The following KCNK9 variants were observed in gnomAD, a reference collection of about 807,000 sequenced individuals.
KCNK9 encodes potassium two pore domain channel subfamily K member 9, also known as potassium channel subfamily K member 9.
KCNK9 carries 1 observed loss-of-function variant against 10.8 expected under a neutral mutation model. The observed-to-expected ratio is 0.09, with a 90% CI of 0.03 to 0.44. KCNK9 has a LOEUF of 0.44. Ranked by LOEUF, KCNK9 falls within the 20% of genes least tolerant of loss-of-function variation. The pLI, the probability that KCNK9 is intolerant of heterozygous loss-of-function variation, is 0.97. For synonymous variants in KCNK9, 231 were observed against 222.7 expected, an observed-to-expected ratio of 1.04 and a Z score of -0.33; for missense variants, 303 against 515.0, an observed-to-expected ratio of 0.59 and a Z score of 3.98.
chr8:139,640,577 TC>T (rs1324303203), intron 1 of KCNK9, among the ~76,000 whole-genome samples: 4 of 152,202 alleles, frequency 2.6e-5, no homozygotes, highest in Admixed American at 2.6e-4. Context: ...CTTTGATGTG[TC>T]CCAGTCACAT....
At chr8:139,683,493 G>C (rs1001934430) in intron 1 of KCNK9, among the ~76,000 whole-genome samples, 1 of 152,346 alleles carries the variant, frequency 6.6e-6, no homozygotes, top group South Asian at 2.1e-4. Context: ...TTCAGCAGCA[G>C]GTCTGAGAGT....
chr8:139,701,437 C>CT (rs112025255), intron 1 of KCNK9, among the ~76,000 whole-genome samples: 4,476 of 151,382 alleles, frequency 0.03, 217 homozygotes, highest in African/African-American at 0.1. Context: ...CTGAGAAATC[C>CT]TTTTTTTTTC....
chr8:139,680,724 C>A (rs959263351), intron 1 of KCNK9, among the ~76,000 whole-genome samples: 2 of 152,128 alleles, frequency 1.3e-5, no homozygotes, highest in African/African-American at 4.8e-5. Flanking sequence ...GGAGAGGAAA[C>A]GGGGCCCAGA....
intron 1 of KCNK9, among the ~76,000 whole-genome samples, chr8:139,688,968 T>C (rs757504690): frequency 2.0e-5 from 3 of 152,104 alleles, no homozygotes; most frequent in Admixed American, 6.5e-5. Flanking sequence ...CCTCTGGATG[T>C]AACTGTTTTT....
intron 1 of KCNK9, among the ~76,000 whole-genome samples, chr8:139,663,640 C>T (rs1349432161): frequency 1.9e-5 from 2 of 102,716 alleles, no homozygotes; most frequent in African/African-American, 4.6e-5. Flanking sequence ...AACAGACGCG[C>T]GTGCGCACGT....
chr8:139,658,580 G>A (rs947759921), intron 1 of KCNK9, among the ~76,000 whole-genome samples: 4 of 152,152 alleles, frequency 2.6e-5, no homozygotes, highest in Non-Finnish European at 5.9e-5. Flanking sequence ...AAGATACCAC[G>A]GAGGGGAGAG....
intron 1 of KCNK9, among the ~76,000 whole-genome samples, chr8:139,653,482 G>A (rs1357879733): frequency 2.0e-5 from 3 of 151,892 alleles, no homozygotes; most frequent in Non-Finnish European, 2.9e-5. Context: ...TCTGCACTCA[G>A]GACTCCCCCA....
chr8:139,692,041 G>A (rs1021881951), intron 1 of KCNK9, among the ~76,000 whole-genome samples: 6 of 152,188 alleles, frequency 3.9e-5, no homozygotes, highest in African/African-American at 1.4e-4. Context: ...CTGCTGGGAG[G>A]GATGCTGGAG....
intron 1 of KCNK9, among the ~76,000 whole-genome samples, chr8:139,682,962 A>G (rs755883016): frequency 6.6e-6 from 1 of 152,188 alleles, no homozygotes; most frequent in Non-Finnish European, 1.5e-5. Flanking sequence ...GAAAAAAACC[A>G]GAGCATTTCC....
intron 1 of KCNK9, among the ~76,000 whole-genome samples, chr8:139,700,681 C>A (rs1213940088): frequency 6.6e-6 from 1 of 152,138 alleles, no homozygotes; most frequent in Non-Finnish European, 1.5e-5. Context: ...GTCCCACAGC[C>A]CCTGAGGCGA....
At chr8:139,603,818 TG>T (rs1472375883) in intron 2 of KCNK9, among the ~76,000 whole-genome samples, 9 of 152,216 alleles carry the variant, frequency 5.9e-5, no homozygotes, top group Admixed American at 5.2e-4. Context: ...AGCACTAACC[TG>T]GTTCACTGAG....
At chr8:139,631,507 G>A (rs909066148) in intron 1 of KCNK9, among the ~76,000 whole-genome samples, 3 of 152,192 alleles carry the variant, frequency 2.0e-5, no homozygotes, top group African/African-American at 7.2e-5. Context: ...CTGGCTGCAG[G>A]CTGGGCGCCC....
At chr8:139,625,834 C>A (rs1814955222) in intron 1 of KCNK9, among the ~76,000 whole-genome samples, 1 of 152,108 alleles carries the variant, frequency 6.6e-6, no homozygotes. Flanking sequence ...CCCCGAAAAA[C>A]CAGCTGTGGC....
At position 139,617,514 on chromosome 8, in the gene KCNK9, G is replaced by A. The variant is rs182649938; in HGVS notation, c.*744C>T. On this transcript the variant is annotated 3_prime_UTR_variant, in exon 2 of 2. Transcript: ENST00000520439. Reference sequence around the variant, plus strand: ...CTGGCAAGCTAAGATGGTTTGGGTCGTCTTGCCCACCCGCCCCTAAAAAAC... The same window carrying A: ...CTGGCAAGCTAAGATGGTTTGGGTCATCTTGCCCACCCGCCCCTAAAAAAC... Among the ~76,000 whole-genome samples the A allele has an allele frequency of 4.6e-5, 7 of 152,176 alleles. No homozygotes were observed. Among genetic ancestry groups the A allele is most frequent in the South Asian group, 2.1e-4 (1 of 4,814 alleles).
chr8:139,683,434 C>T (rs1192113828), intron 1 of KCNK9, among the ~76,000 whole-genome samples: 1 of 152,224 alleles, frequency 6.6e-6, no homozygotes, highest in Non-Finnish European at 1.5e-5. Context: ...TTATAGGGGA[C>T]TCTTGGGACA....
At chr8:139,626,496 C>G (rs1814981549) in intron 1 of KCNK9, among the ~76,000 whole-genome samples, 1 of 152,188 alleles carries the variant, frequency 6.6e-6, no homozygotes, top group East Asian at 1.9e-4. Flanking sequence ...GGTGTCAGGC[C>G]AGTCCAGGTT....
Position 139,702,406 on chromosome 8 carries a change from C to A in KCNK9, c.283+304G>T, listed in dbSNP as rs1188388794. 1.3e-5 allele frequency among the ~76,000 whole-genome samples: 2 copies of A among 152,154 alleles called. No homozygotes were observed. The highest frequency in any genetic ancestry group is 2.1e-4 in the South Asian group (1 of 4,822). Reference sequence around the variant, plus strand: ...GTGTCTGCTATGGGATTATTCTTAGCGCTCCACTCTCTTCGCAAAAGTGGC... The same window carrying A: ...GTGTCTGCTATGGGATTATTCTTAGAGCTCCACTCTCTTCGCAAAAGTGGC... On this transcript the variant is annotated intron_variant, in intron 1 of 1. Coordinates refer to ENST00000520439, the MANE Select transcript of KCNK9 (RefSeq NM_001282534.2). The surrounding 1 kb of genome is among the most constrained non-coding windows in gnomAD (Gnocchi z 7.5).
At chr8:139,639,195 C>T (rs1815423863) in intron 1 of KCNK9, among the ~76,000 whole-genome samples, 1 of 152,208 alleles carries the variant, frequency 6.6e-6, no homozygotes, top group African/African-American at 2.4e-5. Flanking sequence ...ATCCATAAAG[C>T]ATCAGCTGTT....
At chr8:139,698,910 C>G (rs2129816657) in intron 1 of KCNK9, among the ~76,000 whole-genome samples, 1 of 152,296 alleles carries the variant, frequency 6.6e-6, no homozygotes, top group African/African-American at 2.4e-5. Context: ...CTCCAGGGAC[C>G]CCAAAGCTGT....
Sources: gnomAD v4.1 joint callset for allele counts (sites outside exome capture counted in the v4.1 genomes callset) on GRCh38, gnomAD v4.1.1 for gene constraint, Gnocchi (gnomAD v3.1) non-coding constraint, MANE v1.5 for transcripts, NCBI Gene and HGNC (gene_info 2026-07-23, HGNC 2026-07-21) for gene names.